MCM5: variants seen among roughly 807,000 people sequenced by gnomAD.
The protein encoded by MCM5 is minichromosome maintenance complex component 5, also known as DNA replication licensing factor MCM5.
A neutral mutation model predicts 79.9 loss-of-function variants in MCM5; 46 were observed. The observed-to-expected ratio is 0.58, with a 90% CI of 0.45 to 0.74. The LOEUF (loss-of-function observed/expected upper bound fraction) is 0.74, where lower values mean the gene tolerates loss of function less well. Among genes scored for constraint, MCM5 ranks in the 30% least tolerant of loss-of-function variants. The pLI is 0.00. For missense variants in MCM5, 883 were observed against 1,017.0 expected (o/e 0.87, Z 1.79); for synonymous variants, 404 against 390.5 (o/e 1.03, Z -0.41).
Position 35,403,512 on chromosome 22 carries a change from C to CGCCAGCCCTTCCAGCAT in MCM5, c.394_410dup (p.Ile137MetfsTer10). ...ACATCCAGGTCATGCTCAAGTCGGA[C>CGCCAGCCCTTCCAGCAT]GCCAGCCCTTCCAGCATTCGTAGCC... is the stretch of plus-strand genomic sequence containing the variant. On this transcript the variant is annotated frameshift_variant, in exon 4 of 17. Transcript: ENST00000216122. LOFTEE classifies it high-confidence loss of function. 1 of 1,614,082 alleles carries CGCCAGCCCTTCCAGCAT rather than the reference C, an allele frequency of 6.2e-7. No homozygotes were observed.
chr22:35,418,796 C>G (rs1054025430), intron 13 of MCM5, among the ~76,000 whole-genome samples: 15 of 152,252 alleles, frequency 9.9e-5, no homozygotes, highest in Non-Finnish European at 1.6e-4. Context: ...AACCCTCCCC[C>G]AAAACCTACC....
chr22:35,434,485 CATT>C, the MCM5 span, among the ~76,000 whole-genome samples: 107 of 152,276 alleles, frequency 7.0e-4, no homozygotes, highest in East Asian at 0.018. Context: ...TTGGGCCAGT[CATT>C]ATCTCCTGGA....
chr22:35,412,479 A>G, intron 7 of MCM5, 31 bp from the exon 8 acceptor site: 1 of 1,492,430 alleles, frequency 6.7e-7, no homozygotes, highest in African/African-American at 1.4e-5. Flanking sequence ...GCTCCCTTGT[A>G]CTCACTCATG....
At chr22:35,444,268 G>T in the MCM5 span, among the ~76,000 whole-genome samples, 1 of 151,662 alleles carries the variant, frequency 6.6e-6, no homozygotes, top group African/African-American at 2.4e-5. Flanking sequence ...GGGTGAGAGA[G>T]GTGGAGAGAG....
At chr22:35,450,357 G>C in the MCM5 span, among the ~76,000 whole-genome samples, 1 of 152,014 alleles carries the variant, frequency 6.6e-6, no homozygotes. Context: ...CATTAAATGA[G>C]ATCGTGCCTA....
At chr22:35,443,743 G>A in the MCM5 span, among the ~76,000 whole-genome samples, 2 of 152,218 alleles carry the variant, frequency 1.3e-5, no homozygotes, top group African/African-American at 4.8e-5. Context: ...GGATGCTCTT[G>A]TGTATTCCAG....
intron 3 of MCM5, 40 bp from the exon 4 acceptor site, chr22:35,403,374 G>C (rs752847266): frequency 3.1e-6 from 5 of 1,614,108 alleles, no homozygotes; most frequent in Middle Eastern, 3.3e-4. Flanking sequence ...GGGCTGCTCT[G>C]CCCCAGTTAC....
the MCM5 span, among the ~76,000 whole-genome samples, chr22:35,433,718 C>T: frequency 4.6e-5 from 7 of 152,242 alleles, no homozygotes; most frequent in African/African-American, 1.4e-4. Flanking sequence ...ACTTTTCCAT[C>T]TGCAGGACCC....
the MCM5 span, among the ~76,000 whole-genome samples, chr22:35,448,725 C>A: frequency 6.6e-6 from 1 of 152,158 alleles, no homozygotes; most frequent in African/African-American, 2.4e-5. Context: ...CAAACGAACA[C>A]CCTCCAGGTT....
Position 35,400,517 on chromosome 22 carries a change from C to T in MCM5, c.79C>T (p.Arg27Cys), listed in dbSNP as rs1213676370. 1.2e-6 allele frequency: 2 copies of T among 1,613,974 alleles called. No individual in the cohort carries two copies. The highest frequency in any genetic ancestry group is 1.7e-5 in the Admixed American group (1 of 60,004). Residue 27 changes from arginine to cysteine, a missense_variant, in exon 2 of 17, where the codon CGC (arginine) becomes TGC (cysteine). By Grantham distance (180) the Arg-to-Cys change is radical. Around this residue, in one of 3 missense-constraint regions of MCM5, gnomAD observed 455 missense variants for 517.5 expected, o/e 0.88. Transcript: ENST00000216122. ...GDAQADEGQA[R>C]KSQLQRRFKE... is the part of the protein sequence containing the mutation. ...CGCCCAGGCCGACGAGGGGCAGGCC[C>T]GCAAATCGCAGCTGCAGAGGCGCTT...
the MCM5 span, among the ~76,000 whole-genome samples, chr22:35,438,439 TCATC>T: frequency 0.011 from 1,027 of 96,906 alleles, 10 homozygotes; most frequent in South Asian, 0.022. Context: ...ATCCACATAT[TCATC>T]CATCCATCCA....
At chr22:35,416,584 T>C in intron 11 of MCM5, 54 bp from the exon 12 acceptor site, 1 of 1,390,074 alleles carries the variant, frequency 7.2e-7, no homozygotes, top group Admixed American at 1.7e-5. Flanking sequence ...AACGTGTATA[T>C]AAGAAGGCAT....
chr22:35,416,074 G>A (rs901534016), intron 10 of MCM5, 102 bp downstream of exon 10: 1 of 1,429,042 alleles, frequency 7.0e-7, no homozygotes, highest in Non-Finnish European at 9.7e-7. Flanking sequence ...TGGGAGACAT[G>A]TTTTCAATCC....
chr22:35,436,179 A>AAAG, the MCM5 span, among the ~76,000 whole-genome samples: 8 of 144,318 alleles, frequency 5.5e-5, no homozygotes, highest in African/African-American at 7.6e-5. Context: ...AAAAAAAAAA[A>AAAG]AAAAGAAAAA....
chr22:35,403,600 C>T (rs919911410), intron 4 of MCM5, 58 bp downstream of exon 4: 1 of 1,595,446 alleles, frequency 6.3e-7, no homozygotes, highest in Non-Finnish European at 8.5e-7. Flanking sequence ...GCAGCCAGAC[C>T]TGAGTGCTAG....
At chr22:35,433,001 C>G in the MCM5 span, among the ~76,000 whole-genome samples, 2 of 152,092 alleles carry the variant, frequency 1.3e-5, no homozygotes, top group African/African-American at 2.4e-5. Flanking sequence ...GTAGTGCAGT[C>G]ATGGCCCATT....
rs1339405086 is a variant in MCM5, at chr22:35,400,141, C to T, written c.-76C>T. On this transcript the variant is annotated 5_prime_UTR_variant, in exon 1 of 17. Coordinates refer to ENST00000216122, the MANE Select transcript of MCM5 (RefSeq NM_006739.4). Reference sequence around the variant, plus strand: ...TCCGAACACCGCCTCTTGTTTTTCCCGCGAAACTCGGCGGCTGAGCGTGGA... The same window carrying T: ...TCCGAACACCGCCTCTTGTTTTTCCTGCGAAACTCGGCGGCTGAGCGTGGA... 5.1e-6 allele frequency: 2 copies of T among 391,794 alleles called. No homozygotes were observed. The highest frequency in any genetic ancestry group is 4.3e-5 in the Admixed American group (1 of 23,428). The allele number at this position is 391,794 out of a possible 1,614,324, so 24.3% of individuals were successfully genotyped here.
At chr22:35,400,347 C>G in intron 1 of MCM5, 84 bp from the exon 2 acceptor site, 1 of 1,518,126 alleles carries the variant, frequency 6.6e-7, no homozygotes, top group Non-Finnish European at 9.1e-7. Context: ...CTGCTCCGGA[C>G]TCAGGGCAGG....
intron 6 of MCM5, 161 bp from the exon 7 acceptor site, chr22:35,410,583 C>T (rs1375714675): frequency 3.3e-5 from 23 of 695,660 alleles, no homozygotes; most frequent in South Asian, 2.9e-4. Context: ...GGAGAGAGGC[C>T]GTTCTCTGGG....
Sources: gnomAD v4.1 joint callset for allele counts (sites outside exome capture counted in the v4.1 genomes callset) on GRCh38, gnomAD v4.1.1 for gene constraint, gnomAD v4.1.1 regional missense constraint, MANE v1.5 for transcripts, NCBI Gene and HGNC (gene_info 2026-07-23, HGNC 2026-07-21) for gene names.